Variants in CGNL1 observed in about 807,000 individuals in gnomAD.
The protein encoded by CGNL1 is cingulin-like protein 1.
CGNL1 carries 132 observed loss-of-function variants against 141.2 expected under a neutral mutation model. The ratio of observed to expected loss-of-function variants is 0.93; its 90% confidence interval spans 0.81 to 1.08. CGNL1 has a LOEUF of 1.08. Ranked by LOEUF, CGNL1 falls within the 50% of genes least tolerant of loss-of-function variation. The pLI is 0.00. For missense variants in CGNL1, 1,870 were observed against 1,588.6 expected (o/e 1.18, Z -3.01); for synonymous variants, 690 against 622.1 (o/e 1.11, Z -1.63).
intron 13 of CGNL1, 68 bp from the exon 14 acceptor site, chr15:57,531,622 G>T: frequency 1.0e-6 from 1 of 979,836 alleles, no homozygotes; most frequent in South Asian, 1.3e-5. Context: ...TTTCTCTGTG[G>T]GGGAGCCTTT....
At chr15:57,420,513 G>A (rs1033284011) in intron 1 of CGNL1, among the ~76,000 whole-genome samples, 3 of 152,028 alleles carry the variant, frequency 2.0e-5, no homozygotes, top group Non-Finnish European at 4.4e-5. Flanking sequence ...CCCACCACCT[G>A]GCATCTATTT....
At chr15:57,480,387 G>A (rs1237795782) in intron 8 of CGNL1, among the ~76,000 whole-genome samples, 1 of 149,344 alleles carries the variant, frequency 6.7e-6, no homozygotes, top group African/African-American at 2.5e-5. Context: ...GGGTGTGGTG[G>A]TGTACATTTG....
At chr15:57,505,746 A>T (rs1378055609) in intron 8 of CGNL1, among the ~76,000 whole-genome samples, 2 of 152,062 alleles carry the variant, frequency 1.3e-5, no homozygotes, top group Non-Finnish European at 2.9e-5. Flanking sequence ...GGGCAAACGG[A>T]AAAGTTGACA....
intron 15 of CGNL1, 40 bp downstream of exon 15, chr15:57,543,819 C>T (rs769104869): frequency 3.0e-5 from 44 of 1,476,384 alleles, no homozygotes; most frequent in South Asian, 9.1e-5. Context: ...CCCGTCCATC[C>T]GCTAACCCTC....
chr15:57,536,333 C>T (rs2032257790), intron 14 of CGNL1, among the ~76,000 whole-genome samples: 1 of 152,182 alleles, frequency 6.6e-6, no homozygotes, highest in African/African-American at 2.4e-5. Context: ...AACCATATCA[C>T]AGCCTTTCTA....
chr15:57,430,922 A>G (rs1271056807), intron 1 of CGNL1, among the ~76,000 whole-genome samples: 1 of 152,064 alleles, frequency 6.6e-6, no homozygotes, highest in Non-Finnish European at 1.5e-5. Flanking sequence ...GGATTTTGCT[A>G]TGTTGGCCAG....
chr15:57,449,796 T>G (rs2063299928), intron 4 of CGNL1, among the ~76,000 whole-genome samples: 1 of 152,218 alleles, frequency 6.6e-6, no homozygotes. Flanking sequence ...TGGAGTGTTC[T>G]GTAGTTGGAA....
intron 4 of CGNL1, among the ~76,000 whole-genome samples, chr15:57,444,827 A>C (rs752696406): frequency 1.6e-4 from 24 of 152,192 alleles, no homozygotes; most frequent in Non-Finnish European, 2.6e-4. Flanking sequence ...GTTATGTAAG[A>C]AGTTTCCATT....
Position 57,534,838 on chromosome 15 carries a change from A to G in CGNL1, c.3291+3059A>G, listed in dbSNP as rs567382107. 7.2e-5 allele frequency among the ~76,000 whole-genome samples: 11 copies of G among 152,320 alleles called. No individual in the cohort carries two copies. In the East Asian group the frequency reaches 1.9e-3, roughly 27 times the overall value. On this transcript the variant is annotated intron_variant, in intron 14 of 18. Transcript: ENST00000281282. ...GCACTGAAAAGAGAATGCATGGGATATTTTAGTTTGGTGATCTTGTTCTCT... is the reference window on the plus strand; with the variant it reads ...GCACTGAAAAGAGAATGCATGGGATGTTTTAGTTTGGTGATCTTGTTCTCT...
intron 1 of CGNL1, among the ~76,000 whole-genome samples, chr15:57,436,584 A>T (rs2063108524): frequency 6.6e-6 from 1 of 152,232 alleles, no homozygotes; most frequent in African/African-American, 2.4e-5. Flanking sequence ...TTTAAGTGAC[A>T]TAGTTACAAA....
intron 1 of CGNL1, among the ~76,000 whole-genome samples, chr15:57,431,880 G>A (rs1280477628): frequency 6.6e-6 from 1 of 152,164 alleles, no homozygotes; most frequent in Non-Finnish European, 1.5e-5. Context: ...TTTATCATCA[G>A]CCTGGTAGTA....
At chr15:57,436,253 C>T (rs28684721) in intron 1 of CGNL1, among the ~76,000 whole-genome samples, 3,214 of 152,190 alleles carry the variant, frequency 0.021, 95 homozygotes, top group African/African-American at 0.072. Context: ...GTCTCCCTTG[C>T]GGCTGGGGGT....
intron 7 of CGNL1, among the ~76,000 whole-genome samples, chr15:57,457,291 G>A (rs1404576345): frequency 2.6e-5 from 4 of 152,150 alleles, no homozygotes; most frequent in African/African-American, 4.8e-5. Flanking sequence ...TGCCGTTCTC[G>A]ACATCCTGGT....
chr15:57,508,127 A>G (rs2064128983), intron 8 of CGNL1, among the ~76,000 whole-genome samples: 1 of 152,120 alleles, frequency 6.6e-6, no homozygotes, highest in Admixed American at 6.5e-5. Flanking sequence ...CTTCTTTGCC[A>G]CTTCCTTTGC....
chr15:57,461,743 C>T lies in CGNL1; in HGVS notation c.2254C>T (p.Leu752Phe). The T allele has an allele frequency of 6.2e-7, 1 of 1,614,150 alleles. No individual in the cohort carries two copies. The highest frequency in any genetic ancestry group is 8.5e-7 in the Non-Finnish European group (1 of 1,180,028). ...GATTGCCAAAGAGGAGCAAGAAGAC[C>T]TCTTGAGAAAGCGAGAGCGTGAACT... The part of the protein sequence containing the change: ...LLIAKEEQED[L>F]LRKRERELTA... The change falls in exon 8 of 19, where the codon CTC (leucine) becomes TTC (phenylalanine). Residue 752 changes from leucine (L) to phenylalanine (F), a missense_variant. Physicochemically the swap from Leu to Phe is conservative, Grantham distance 22 (BLOSUM62 0). Transcript: ENST00000281282.
In CGNL1 at chr15:57,447,805, CGTGTGTGTGT is replaced by C. The variant is rs3985737; in HGVS notation, c.1804-3664_1804-3655del. On this transcript the variant is annotated intron_variant, in intron 4 of 18. Coordinates refer to ENST00000281282, the MANE Select transcript of CGNL1 (RefSeq NM_032866.5). ...TCTTGTGCTCTATTCTCTCTCTTTT[CGTGTGTGTGT>C]GTGTGTGTGTGTGTGTGTGTGTGTG... is the stretch of plus-strand genomic sequence containing the variant. Among the ~76,000 whole-genome samples, 388 of 144,460 alleles carry C rather than the reference CGTGTGTGTGT, an allele frequency of 2.7e-3. 5 individuals are homozygous for C. Among genetic ancestry groups the C allele is most frequent in the Middle Eastern group, 7.0e-3 (2 of 284 alleles). 94.8% of individuals were successfully genotyped at this position (144,460 alleles called of 152,430 possible). A position where few individuals can be genotyped will look rare whatever the true frequency, so the allele number is the denominator to read the frequency against.
intron 1 of CGNL1, among the ~76,000 whole-genome samples, chr15:57,426,021 C>T (rs2062968934): frequency 6.6e-6 from 1 of 152,084 alleles, no homozygotes. Flanking sequence ...GGTATGTAGG[C>T]AGGGACCCCC....
chr15:57,520,502 A>G (rs551211239), intron 10 of CGNL1, among the ~76,000 whole-genome samples: 42 of 152,350 alleles, frequency 2.8e-4, no homozygotes, highest in Non-Finnish European at 4.7e-4. Flanking sequence ...GTTAAAAAGT[A>G]GCAGAGGGGC....
rs921540524 is a variant in CGNL1 at position 57,403,752 on chromosome 15, C to T, written c.-16+27185C>T. ...CTAAATAGATGGAGGTGACGTTGTG[C>T]AGAAGGAAAGAAACATCCCGAGGGA... On this transcript the variant is annotated intron_variant, in intron 1 of 18. Transcript: ENST00000281282. Among the ~76,000 whole-genome samples the T allele has an allele frequency of 9.8e-5, 15 of 152,320 alleles. No homozygotes were observed. In the South Asian group the frequency reaches 3.1e-3, roughly 32 times the overall value.
Sources: gnomAD v4.1 joint callset for allele counts (sites outside exome capture counted in the v4.1 genomes callset) on GRCh38, gnomAD v4.1.1 for gene constraint, MANE v1.5 for transcripts, NCBI Gene and HGNC (gene_info 2026-07-23, HGNC 2026-07-21) for gene names.